The following DHRSX variants were observed in gnomAD, a reference collection of about 807,000 sequenced individuals.
DHRSX encodes the protein polyprenol dehydrogenase.
In DHRSX, 31 loss-of-function variants were observed where a neutral mutation model predicts 34.0. The ratio of observed to expected loss-of-function variants is 0.91; its 90% confidence interval spans 0.69 to 1.23. DHRSX has a LOEUF of 1.23. Among genes scored for constraint, DHRSX ranks in the 50% most tolerant of loss-of-function variants. The pLI, the probability that DHRSX is intolerant of heterozygous loss-of-function variation, is 0.00. For missense variants in DHRSX, 414 were observed against 428.1 expected, an observed-to-expected ratio of 0.97 and a Z score of 0.29; for synonymous variants, 201 against 183.8, an observed-to-expected ratio of 1.09 and a Z score of -0.76.
At chrX:2,231,435 CTT>C (rs1294215596) in intron 6 of DHRSX, among the ~76,000 whole-genome samples, 4 of 151,650 alleles carry the variant, frequency 2.6e-5, no homozygotes, top group Admixed American at 6.6e-5. Flanking sequence ...TCCTTTTTCT[CTT>C]TTTCTCTCTC....
chrX:2,324,658 G>A (rs1170815300), intron 3 of DHRSX, among the ~76,000 whole-genome samples: 2 of 151,952 alleles, frequency 1.3e-5, no homozygotes, highest in East Asian at 1.9e-4. Flanking sequence ...CGGCAATATA[G>A]TACTCCACCC....
chrX:2,319,605 G>A (rs1602936521), intron 3 of DHRSX, among the ~76,000 whole-genome samples: 1 of 147,316 alleles, frequency 6.8e-6, no homozygotes, highest in East Asian at 2.1e-4. Flanking sequence ...TTAGTAAGTA[G>A]TAAAATATTT....
chrX:2,270,532 G>A (rs1259026375), intron 4 of DHRSX, among the ~76,000 whole-genome samples: 2 of 152,122 alleles, frequency 1.3e-5, no homozygotes, highest in Non-Finnish European at 2.9e-5. Context: ...CCCATTGCGC[G>A]GAGGGCCCAC....
chrX:2,256,607 C>G (rs2041283156), intron 5 of DHRSX, among the ~76,000 whole-genome samples: 1 of 152,114 alleles, frequency 6.6e-6, no homozygotes, highest in African/African-American at 2.4e-5. Flanking sequence ...TCGGTACAGC[C>G]AAGTTGAGGA....
intron 1 of DHRSX, among the ~76,000 whole-genome samples, chrX:2,453,769 C>T (rs1022964059): frequency 2.0e-5 from 3 of 151,992 alleles, no homozygotes; most frequent in Non-Finnish European, 2.9e-5. Flanking sequence ...AATAATACAT[C>T]GCGTCTTTCA....
intron 1 of DHRSX, chrX:2,490,442 G>A: frequency 6.2e-7 from 1 of 1,613,982 alleles, no homozygotes; most frequent in Non-Finnish European, 8.5e-7. Context: ...CTTGGAGAAG[G>A]CGGTGGCGAA....
intron 5 of DHRSX, among the ~76,000 whole-genome samples, chrX:2,251,048 GGACAAGTGACT>G (rs1480062807): frequency 6.6e-6 from 1 of 152,102 alleles, no homozygotes; most frequent in Non-Finnish European, 1.5e-5. Context: ...GCTTGCATGA[GGACAAGTGACT>G]CCCCCATTAA....
At chrX:2,330,656 TGAA>T (rs1569489839) in intron 3 of DHRSX, among the ~76,000 whole-genome samples, 1 of 119,436 alleles carries the variant, frequency 8.4e-6, no homozygotes, top group South Asian at 2.6e-4. Flanking sequence ...CGAAAGAAGA[TGAA>T]GGAGAAGAAG....
intron 2 of DHRSX, among the ~76,000 whole-genome samples, chrX:2,417,319 A>G (rs1268402197): frequency 3.3e-5 from 5 of 152,208 alleles, no homozygotes; most frequent in African/African-American, 1.2e-4. Flanking sequence ...CTTTGTGCCT[A>G]CAAAGTCCTC....
chrX:2,498,167 T>C (rs1472836124), intron 1 of DHRSX, among the ~76,000 whole-genome samples: 2 of 152,192 alleles, frequency 1.3e-5, no homozygotes, highest in Non-Finnish European at 2.9e-5. Flanking sequence ...AGTCAACTCA[T>C]GTGGAAGGTG....
intron 1 of DHRSX, among the ~76,000 whole-genome samples, chrX:2,430,199 C>T (rs1005282923): frequency 3.9e-4 from 54 of 139,782 alleles, no homozygotes; most frequent in African/African-American, 1.3e-3. Context: ...TGAAAACGCA[C>T]AGTGAGCCGT....
In DHRSX at chrX:2,330,641, AGAAAC is replaced by A. The variant is rs1001818940; in HGVS notation, c.287-39043_287-39039del. On this transcript the variant is annotated intron_variant, in intron 3 of 6. Transcript: ENST00000334651. ...GGAGGAGGAGAGAAAGGGAAGGAGA[AGAAAC>A]GAAAGAAGATGAAGGAGAAGAAGGA... 1.4e-4 allele frequency among the ~76,000 whole-genome samples: 21 copies of A among 149,050 alleles called. 1 individual carries two copies. The highest frequency in any genetic ancestry group is 8.0e-4 in the Admixed American group (12 of 14,932).
At chrX:2,334,113 A>G (rs2042519079) in intron 3 of DHRSX, among the ~76,000 whole-genome samples, 1 of 149,682 alleles carries the variant, frequency 6.7e-6, no homozygotes, top group Non-Finnish European at 1.5e-5. Context: ...TTAGGTATGT[A>G]CCCAGGAATG....
rs146453211 is a variant in DHRSX at position 2,389,869 on chromosome X, C to G, written c.286+18876G>C. ...GAGCTCGGCTCACTGCGACCTCCGC[C>G]TCCGGGGATCAAGTGATTCTGCTGC... On this transcript the variant is annotated intron_variant, in intron 3 of 6. Coordinates refer to ENST00000334651, the MANE Select transcript of DHRSX (RefSeq NM_145177.3). Among the ~76,000 whole-genome samples the G allele has an allele frequency of 2.3e-3, 349 of 152,312 alleles. 1 individual carries two copies. Among genetic ancestry groups the G allele is most frequent in the African/African-American group, 8.0e-3 (334 of 41,576 alleles).
At chrX:2,483,276 T>A (rs773329891) in intron 1 of DHRSX, among the ~76,000 whole-genome samples, 1 of 148,366 alleles carries the variant, frequency 6.7e-6, no homozygotes, top group South Asian at 2.2e-4. Flanking sequence ...TATTATTATT[T>A]TTAGAGGCAG....
intron 3 of DHRSX, among the ~76,000 whole-genome samples, chrX:2,315,063 C>T (rs968351968): frequency 2.0e-5 from 3 of 151,928 alleles, no homozygotes; most frequent in Non-Finnish European, 4.4e-5. Context: ...CAGGCTGAGG[C>T]AGGAGAATTG....
At chrX:2,439,008 G>A (rs1302944873) in intron 1 of DHRSX, among the ~76,000 whole-genome samples, 1 of 151,888 alleles carries the variant, frequency 6.6e-6, no homozygotes, top group Non-Finnish European at 1.5e-5. Context: ...AGCCCAGCGT[G>A]GTGGCTGGCG....
chrX:2,307,804 A>C lies in DHRSX; in HGVS notation c.287-16201T>G, dbSNP rs989197620. Among the ~76,000 whole-genome samples, 286 of 145,398 alleles carry C rather than the reference A, an allele frequency of 2.0e-3. 3 individuals are homozygous for C. Among genetic ancestry groups the C allele is most frequent in the Non-Finnish European group, 2.4e-3 (164 of 67,152 alleles). On this transcript the variant is annotated intron_variant, in intron 3 of 6. Transcript: ENST00000334651. ...GTAATAAAAATAAAAAAAATAAAAT[A>C]AAAAACAAGGAAAAACAAAAGAGTA...
In DHRSX at chrX:2,290,465, A is replaced by T. The variant is rs144212590; in HGVS notation, c.388+1037T>A. On this transcript the variant is annotated intron_variant, in intron 4 of 6. Coordinates refer to ENST00000334651, the MANE Select transcript of DHRSX (RefSeq NM_145177.3). The stretch of plus-strand genomic sequence containing the variant: ...GTAGCACAAGGGGTTTTGCAGAATT[A>T]AGAATCTTTAATGGTCTAGGTGGGT... 9.4e-3 allele frequency among the ~76,000 whole-genome samples: 1,434 copies of T among 152,330 alleles called. 22 individuals are homozygous for T. The highest frequency in any genetic ancestry group is 0.03 in the African/African-American group (1,239 of 41,572).
Sources: gnomAD v4.1 joint callset for allele counts (sites outside exome capture counted in the v4.1 genomes callset) on GRCh38, gnomAD v4.1.1 for gene constraint, MANE v1.5 for transcripts, NCBI Gene and HGNC (gene_info 2026-07-23, HGNC 2026-07-21) for gene names.